The following RNF216 variants were observed in gnomAD, a reference collection of about 807,000 sequenced individuals.
RNF216 encodes E3 ubiquitin-protein ligase RNF216.
RNF216 carries 72 observed loss-of-function variants against 110.8 expected under a neutral mutation model. The observed-to-expected ratio is 0.65, with a 90% CI of 0.54 to 0.79. RNF216 has a LOEUF of 0.79. Ranked by LOEUF, RNF216 falls within the 30% of genes least tolerant of loss-of-function variation. RNF216 has a pLI of 0.00. For missense variants in RNF216, 1,342 were observed against 1,141.2 expected (o/e 1.18, Z -2.54); for synonymous variants, 495 against 407.5 (o/e 1.21, Z -2.59).
chr7:5,715,746 T>G (rs1407220199), intron 10 of RNF216, among the ~76,000 whole-genome samples: 3 of 148,708 alleles, frequency 2.0e-5, no homozygotes, highest in African/African-American at 7.5e-5. Context: ...CTTTTTTTTT[T>G]TTTTTTTTTT....
At chr7:5,738,536 A>G (rs1208308587) in intron 5 of RNF216, among the ~76,000 whole-genome samples, 3 of 151,944 alleles carry the variant, frequency 2.0e-5, no homozygotes, top group African/African-American at 7.3e-5. Flanking sequence ...GTGAAACCCC[A>G]TCTCTACTAA....
chr7:5,681,029 A>G (rs976528999), intron 13 of RNF216, among the ~76,000 whole-genome samples: 1 of 151,804 alleles, frequency 6.6e-6, no homozygotes, highest in African/African-American at 2.4e-5. Context: ...GCCTCCAGCC[A>G]TACCCCGCAG....
At chr7:5,637,152 C>G (rs1203292924) in intron 15 of RNF216, among the ~76,000 whole-genome samples, 1 of 152,170 alleles carries the variant, frequency 6.6e-6, no homozygotes, top group East Asian at 1.9e-4. Context: ...TCCCACTGTG[C>G]TAGCTGCCAG....
At chr7:5,742,977 C>T (rs886676358) in intron 3 of RNF216, among the ~76,000 whole-genome samples, 8 of 151,970 alleles carry the variant, frequency 5.3e-5, no homozygotes, top group East Asian at 1.9e-4. Context: ...AAATAAAAAA[C>T]GTAGGCCAGG....
intron 7 of RNF216, among the ~76,000 whole-genome samples, chr7:5,727,070 G>A (rs1246590847): frequency 1.3e-5 from 2 of 152,138 alleles, no homozygotes; most frequent in South Asian, 2.1e-4. Context: ...CTGTGGCTAC[G>A]CTGTTAGGGT....
chr7:5,718,245 G>A (rs1793187728), intron 9 of RNF216, among the ~76,000 whole-genome samples: 1 of 151,992 alleles, frequency 6.6e-6, no homozygotes, highest in Admixed American at 6.6e-5. Context: ...GCCAGGCATG[G>A]TGGGGCGCAC....
intron 13 of RNF216, among the ~76,000 whole-genome samples, chr7:5,658,886 C>T (rs1788918707): frequency 6.6e-6 from 1 of 152,106 alleles, no homozygotes; most frequent in African/African-American, 2.4e-5. Flanking sequence ...CTGCCGCTCT[C>T]AATACTGAAG....
At chr7:5,652,158 G>A (rs1439166792) in intron 14 of RNF216, among the ~76,000 whole-genome samples, 1 of 152,126 alleles carries the variant, frequency 6.6e-6, no homozygotes, top group Non-Finnish European at 1.5e-5. Context: ...TAGAAAATAA[G>A]GAAAAGGGGG....
At chr7:5,683,135 CAAACAAACAAA>C (rs1790765252) in intron 13 of RNF216, among the ~76,000 whole-genome samples, 1 of 152,010 alleles carries the variant, frequency 6.6e-6, no homozygotes, top group South Asian at 2.1e-4. Context: ...TAAAAACAAA[CAAACAAACAAA>C]AAACAGACAC....
intron 8 of RNF216, 32 bp from the exon 9 acceptor site, chr7:5,721,204 A>C: frequency 1.2e-6 from 2 of 1,608,476 alleles, no homozygotes; most frequent in Non-Finnish European, 1.7e-6. Flanking sequence ...AAAAGCATGC[A>C]GACAACTATG....
intron 1 of RNF216, among the ~76,000 whole-genome samples, chr7:5,768,864 T>C (rs1454432133): frequency 6.6e-6 from 1 of 151,648 alleles, no homozygotes; most frequent in Middle Eastern, 3.2e-3. Flanking sequence ...GGTTTCACCA[T>C]GTTAGCCAGG....
At chr7:5,714,756 C>A (rs1005226758) in intron 11 of RNF216, among the ~76,000 whole-genome samples, 2 of 138,504 alleles carry the variant, frequency 1.4e-5, no homozygotes, top group African/African-American at 5.1e-5. Context: ...CAATAGGCTG[C>A]AAGGTTCTCT....
At chr7:5,732,196 T>C (rs1296394312) in intron 5 of RNF216, among the ~76,000 whole-genome samples, 1 of 152,168 alleles carries the variant, frequency 6.6e-6, no homozygotes, top group Non-Finnish European at 1.5e-5. Flanking sequence ...TTCTCCATCC[T>C]AGAATTCACT....
chr7:5,689,934 C>T (rs852263), intron 13 of RNF216, among the ~76,000 whole-genome samples: 1 of 122,478 alleles, frequency 8.2e-6, no homozygotes, highest in Non-Finnish European at 1.9e-5. Context: ...CTGTCTCAAA[C>T]AAAAAAAAAA....
rs138037608 is a variant in RNF216 at position 5,636,339 on chromosome 7, G to A, written c.2382+4815C>T. ...AGACACCTTCTTTATAAGACTCTTA[G>A]TTGAATGCTTTTGGCTTCATTTTGA... On this transcript the variant is annotated intron_variant, in intron 15 of 16. Transcript: ENST00000389902. 9.2e-5 allele frequency among the ~76,000 whole-genome samples: 14 copies of A among 152,282 alleles called. No homozygotes were observed. In the East Asian group the frequency reaches 1.5e-3, roughly 17 times the overall value.
intron 15 of RNF216, among the ~76,000 whole-genome samples, chr7:5,632,164 T>C (rs1787113472): frequency 6.6e-6 from 1 of 152,230 alleles, no homozygotes; most frequent in African/African-American, 2.4e-5. Flanking sequence ...ATTTGAGATC[T>C]GAGTTCCTGT....
intron 13 of RNF216, among the ~76,000 whole-genome samples, chr7:5,695,312 C>T (rs1475730286): frequency 6.6e-6 from 1 of 152,248 alleles, no homozygotes; most frequent in Non-Finnish European, 1.5e-5. Context: ...GTTTGAACCA[C>T]ACATTCACAC....
intron 13 of RNF216, 97 bp downstream of exon 13, chr7:5,711,664 A>G (rs1384915025): frequency 2.2e-6 from 2 of 910,184 alleles, no homozygotes; most frequent in African/African-American, 3.4e-5. Context: ...TCCTTCTTAT[A>G]CATCAGCAGT....
intron 13 of RNF216, among the ~76,000 whole-genome samples, chr7:5,704,450 ATT>A (rs1347838213): frequency 6.6e-6 from 1 of 152,216 alleles, no homozygotes; most frequent in Non-Finnish European, 1.5e-5. Context: ...CATAAGGAGA[ATT>A]TGCACAACTG....
Sources: gnomAD v4.1 joint callset for allele counts (sites outside exome capture counted in the v4.1 genomes callset) on GRCh38, gnomAD v4.1.1 for gene constraint, MANE v1.5 for transcripts, NCBI Gene and HGNC (gene_info 2026-07-23, HGNC 2026-07-21) for gene names.